PRKN: variants seen among roughly 807,000 people sequenced by gnomAD.
PRKN encodes parkin RBR E3 ubiquitin protein ligase.
PRKN carries 56 observed loss-of-function variants against 59.5 expected under a neutral mutation model. The ratio of observed to expected loss-of-function variants is 0.94; its 90% confidence interval spans 0.76 to 1.18. The LOEUF (loss-of-function observed/expected upper bound fraction) is 1.18, where lower values mean the gene tolerates loss of function less well. Among genes scored for constraint, PRKN ranks in the 50% most tolerant of loss-of-function variants. The pLI, the probability that PRKN is intolerant of heterozygous loss-of-function variation, is 0.00. For synonymous variants in PRKN, 250 were observed against 222.1 expected (o/e 1.13, Z -1.12); for missense variants, 657 against 596.4 (o/e 1.10, Z -1.06).
At chr6:161,465,784 A>T (rs1205595796) in intron 9 of PRKN, among the ~76,000 whole-genome samples, 1 of 152,150 alleles carries the variant, frequency 6.6e-6, no homozygotes, top group East Asian at 1.9e-4. Flanking sequence ...AGTTTTCACC[A>T]TTATCTTTTC....
intron 1 of PRKN, among the ~76,000 whole-genome samples, chr6:162,535,969 C>T (rs1394887596): frequency 1.3e-5 from 2 of 151,718 alleles, no homozygotes; most frequent in African/African-American, 4.8e-5. Context: ...TACTGAAAAC[C>T]ATCTCCTAAA....
chr6:161,350,270 C>T lies in PRKN; in HGVS notation c.1286-59G>A, dbSNP rs187275400. 3 of 1,150,218 alleles carry T rather than the reference C, an allele frequency of 2.6e-6. No individual in the cohort carries two copies. In the African/African-American group the frequency reaches 4.6e-5, roughly 17 times the overall value. The allele number at this position is 1,150,218 out of a possible 1,614,324, so 71.3% of individuals were successfully genotyped here. A position where few individuals can be genotyped will look rare whatever the true frequency, so the allele number is the denominator to read the frequency against. On this transcript the variant is annotated intron_variant, in intron 11 of 11. Transcript: ENST00000366898. ...TCGCAGCAAGTACCTGGAAAACACG[C>T]ATTCCCAAACCAGCACGCTAGCCTA...
At chr6:162,439,283 TCTTC>T (rs896369769) in intron 2 of PRKN, among the ~76,000 whole-genome samples, 2 of 151,892 alleles carry the variant, frequency 1.3e-5, no homozygotes, top group African/African-American at 2.4e-5. Flanking sequence ...GTTGGGGATT[TCTTC>T]CTTCCTTCCT....
In PRKN at chr6:161,395,943, G is replaced by A. The variant is rs561354204; in HGVS notation, c.1084-9066C>T. Among the ~76,000 whole-genome samples the A allele has an allele frequency of 2.0e-5, 3 of 152,218 alleles. No individual in the cohort carries two copies. Among genetic ancestry groups the A allele is most frequent in the African/African-American group, 7.2e-5 (3 of 41,550 alleles). On this transcript the variant is annotated intron_variant, in intron 9 of 11. Transcript: ENST00000366898. This position sits in a 1 kb window ranked among gnomAD's most constrained non-coding sequence, Gnocchi z 5.0. ...AACACAGACAGCCAACAAATTAGAG[G>A]TCCAGGTTAGAGAGAAAGAAACAGT...
rs1168145620 is a variant in PRKN at position 161,376,204 on chromosome 6, G to C, written c.1167+10590C>G. On this transcript the variant is annotated intron_variant, in intron 10 of 11. Transcript: ENST00000366898. The surrounding 1 kb of genome is among the most constrained non-coding windows in gnomAD (Gnocchi z 7.3). ...TCCTGGACTGTAACTCTGAAGGGGT[G>C]GGTGTGGGTGTGGGGAGCATGGATA... Among the ~76,000 whole-genome samples the C allele has an allele frequency of 2.0e-5, 3 of 152,158 alleles. No individual in the cohort carries two copies. The highest frequency in any genetic ancestry group is 4.4e-5 in the Non-Finnish European group (3 of 68,032).
intron 7 of PRKN, among the ~76,000 whole-genome samples, chr6:161,777,647 C>CAT (rs1327566574): frequency 7.3e-5 from 10 of 137,486 alleles, no homozygotes; most frequent in African/African-American, 1.9e-4. Flanking sequence ...CGGATATTCT[C>CAT]ATATATATAT....
rs534285936 is a variant in PRKN, at chr6:162,106,943, A to G, written c.535-52769T>C. Among the ~76,000 whole-genome samples, 3 of 152,218 alleles carry G rather than the reference A, an allele frequency of 2.0e-5. No homozygotes were observed. In the East Asian group the frequency reaches 5.8e-4, roughly 29 times the overall value. ...CTTTCCAGAATTCTTATGGTAGGAA[A>G]ATTTCTCAGTTCAAAAGCTTCAGGT... On this transcript the variant is annotated intron_variant, in intron 4 of 11. Coordinates refer to ENST00000366898, the MANE Select transcript of PRKN (RefSeq NM_004562.3).
chr6:161,564,210 G>A (rs933352598), intron 8 of PRKN, among the ~76,000 whole-genome samples: 4 of 152,184 alleles, frequency 2.6e-5, no homozygotes, highest in African/African-American at 9.7e-5. Context: ...CCTCTCGGGA[G>A]CCTCATTGCC....
chr6:161,590,120 T>G (rs912653956), intron 7 of PRKN, among the ~76,000 whole-genome samples: 1 of 152,090 alleles, frequency 6.6e-6, no homozygotes, highest in Non-Finnish European at 1.5e-5. Context: ...GCAATTATAA[T>G]TTTATTTAGG....
intron 6 of PRKN, among the ~76,000 whole-genome samples, chr6:161,935,390 T>TA (rs1779316933): frequency 6.6e-6 from 1 of 151,642 alleles, no homozygotes; most frequent in African/African-American, 2.4e-5. Context: ...CCATCTCTAC[T>TA]AAAAATACAA....
intron 4 of PRKN, among the ~76,000 whole-genome samples, chr6:162,181,169 C>CG (rs1783788716): frequency 6.6e-6 from 1 of 152,130 alleles, no homozygotes. Context: ...TTGACCCAGT[C>CG]GGGGGTGACG....
intron 1 of PRKN, chr6:162,569,677 G>A (rs1780230833): frequency 1.6e-6 from 1 of 642,982 alleles, no homozygotes; most frequent in Non-Finnish European, 2.9e-6. Flanking sequence ...AGAAGATCAA[G>A]ACCTGCGATG....
chr6:162,232,694 T>C (rs1778473715), intron 3 of PRKN, among the ~76,000 whole-genome samples: 2 of 152,156 alleles, frequency 1.3e-5, no homozygotes, highest in Admixed American at 1.3e-4. Flanking sequence ...TCAAGGTCTT[T>C]AGATCACAGG....
At position 161,545,561 on chromosome 6, in the gene PRKN, C is replaced by A; in HGVS notation, c.1083+3293G>T. On this transcript the variant is annotated intron_variant, in intron 9 of 11. Transcript: ENST00000366898. This position sits in a 1 kb window ranked among gnomAD's most constrained non-coding sequence, Gnocchi z 4.1. ...TTCCAGACAATGGCTTTCCATTACA[C>A]TCCTTAAACCCAGAAAAGATGGGCA... 1.4e-6 allele frequency: 1 copy of A among 729,070 alleles called. No individual in the cohort carries two copies. Among genetic ancestry groups the A allele is most frequent in the Non-Finnish European group, 2.4e-6 (1 of 409,326 alleles). 45.2% of individuals were successfully genotyped at this position (729,070 alleles called of 1,614,324 possible). A position where few individuals can be genotyped will look rare whatever the true frequency, so the allele number is the denominator to read the frequency against.
At chr6:161,583,647 T>C (rs1403471583) in intron 7 of PRKN, among the ~76,000 whole-genome samples, 2 of 152,180 alleles carry the variant, frequency 1.3e-5, no homozygotes, top group African/African-American at 2.4e-5. Context: ...TTATGAATCA[T>C]CTCCTAGATA....
intron 5 of PRKN, among the ~76,000 whole-genome samples, chr6:162,037,075 A>T (rs2128280836): frequency 6.6e-6 from 1 of 152,280 alleles, no homozygotes; most frequent in South Asian, 2.1e-4. Flanking sequence ...AAATTGATGG[A>T]AACTTTCCAG....
chr6:161,975,213 G>A (rs1780981613), intron 5 of PRKN, among the ~76,000 whole-genome samples: 1 of 151,000 alleles, frequency 6.6e-6, no homozygotes, highest in Non-Finnish European at 1.5e-5. Flanking sequence ...AGCCTCCCGA[G>A]TAGCTGGGAC....
In PRKN at chr6:161,538,786, G is replaced by C. The variant is rs1779515015; in HGVS notation, c.1083+10068C>G. 6.6e-6 allele frequency among the ~76,000 whole-genome samples: 1 copy of C among 152,220 alleles called. No homozygotes were observed. Among genetic ancestry groups the C allele is most frequent in the Non-Finnish European group, 1.5e-5 (1 of 68,034 alleles). On this transcript the variant is annotated intron_variant, in intron 9 of 11. Transcript: ENST00000366898. The surrounding 1 kb of genome is among the most constrained non-coding windows in gnomAD (Gnocchi z 4.2). ...CCCTATTACCTCCCAGGAGCTTGTA[G>C]AGAGATTTGATTGAATAACTGATCG... is the stretch of plus-strand genomic sequence containing the variant.
intron 4 of PRKN, among the ~76,000 whole-genome samples, chr6:162,078,624 G>A (rs1454664324): frequency 2.0e-5 from 3 of 152,018 alleles, no homozygotes; most frequent in African/African-American, 7.3e-5. Context: ...ACTTTTCTGG[G>A]CAATTTTGCA....
Sources: allele counts gnomAD v4.1 joint callset (sites outside exome capture counted in the v4.1 genomes callset), GRCh38; gene constraint gnomAD v4.1.1; non-coding constraint Gnocchi (gnomAD v3.1); transcripts MANE v1.5; gene names NCBI Gene and HGNC (gene_info 2026-07-23, HGNC 2026-07-21).